PARPBP: variants seen among roughly 807,000 people sequenced by gnomAD.
PARPBP encodes the protein PARP1 binding protein, also known as PCNA-interacting partner.
A neutral mutation model predicts 50.0 loss-of-function variants in PARPBP; 52 were observed. The observed-to-expected ratio is 1.04, with a 90% CI of 0.83 to 1.31. PARPBP has a LOEUF of 1.31. PARPBP is among the 50% of genes most tolerant of loss of function. The pLI, the probability that PARPBP is intolerant of heterozygous loss-of-function variation, is 0.00. For synonymous variants in PARPBP, 244 were observed against 232.1 expected (o/e 1.05, Z -0.47); for missense variants, 697 against 672.0 (o/e 1.04, Z -0.41).
Position 102,176,517 on chromosome 12 carries a change from C to G in PARPBP, c.1005+851C>G, listed in dbSNP as rs548036753. ...AAACTATATATTCCCAGAACATTTA[C>G]TTATTCTTAATTTTTTTTTTACAGA... is the stretch of plus-strand genomic sequence containing the variant. On this transcript the variant is annotated intron_variant, in intron 7 of 10. Coordinates refer to ENST00000327680, the MANE Select transcript of PARPBP (RefSeq NM_017915.5). 1.1e-4 allele frequency among the ~76,000 whole-genome samples: 16 copies of G among 152,178 alleles called. No homozygotes were observed. In the South Asian group the frequency reaches 3.3e-3, roughly 32 times the overall value.
intron 4 of PARPBP, among the ~76,000 whole-genome samples, chr12:102,158,148 A>G (rs1414509623): frequency 2.0e-5 from 3 of 148,844 alleles, no homozygotes; most frequent in East Asian, 2.0e-4. Flanking sequence ...AAAAAAGAAT[A>G]GTGAGCTTCT....
intron 4 of PARPBP, among the ~76,000 whole-genome samples, chr12:102,161,404 C>G (rs1887574331): frequency 6.6e-6 from 1 of 152,116 alleles, no homozygotes; most frequent in African/African-American, 2.4e-5. Context: ...CCACACCCAG[C>G]CTCAGGTAAG....
intron 9 of PARPBP, among the ~76,000 whole-genome samples, chr12:102,186,072 A>AT (rs1283296633): frequency 6.6e-6 from 1 of 151,702 alleles, no homozygotes; most frequent in African/African-American, 2.4e-5. Context: ...GAATTTATCT[A>AT]TTTTTTCTAG....
intron 10 of PARPBP, 58 bp from the exon 11 acceptor site, chr12:102,195,893 G>T (rs529436798): frequency 2.7e-6 from 3 of 1,116,236 alleles, no homozygotes; most frequent in Non-Finnish European, 3.8e-6. Context: ...TAAAGTTCTC[G>T]TAAATATTAA....
intron 3 of PARPBP, among the ~76,000 whole-genome samples, chr12:102,152,255 C>T (rs553290032): frequency 6.6e-6 from 1 of 152,256 alleles, no homozygotes; most frequent in East Asian, 1.9e-4. Context: ...ATAATATAGT[C>T]TAAGTCCATC....
At chr12:102,169,331 C>T (rs371827832) in intron 6 of PARPBP, among the ~76,000 whole-genome samples, 6 of 152,122 alleles carry the variant, frequency 3.9e-5, no homozygotes, top group South Asian at 2.1e-4. Flanking sequence ...CAGTGAAATT[C>T]GAACCTCTTT....
intron 3 of PARPBP, among the ~76,000 whole-genome samples, chr12:102,149,878 A>G (rs771164246): frequency 1.3e-5 from 2 of 152,224 alleles, no homozygotes; most frequent in African/African-American, 4.8e-5. Flanking sequence ...GCTTGCTTAC[A>G]GAGATGATTT....
chr12:102,168,043 A>G (rs1389347318), intron 6 of PARPBP, among the ~76,000 whole-genome samples: 2 of 152,142 alleles, frequency 1.3e-5, no homozygotes, highest in Admixed American at 6.6e-5. Context: ...TATTCTGGGT[A>G]GTTAGTTATG....
intron 9 of PARPBP, among the ~76,000 whole-genome samples, chr12:102,184,058 A>AAAAAAAAAG (rs1890083749): frequency 6.6e-6 from 1 of 151,182 alleles, no homozygotes; most frequent in Non-Finnish European, 1.5e-5. Context: ...AAAAAAAAAA[A>AAAAAAAAAG]AAAAAAAAGA....
intron 8 of PARPBP, among the ~76,000 whole-genome samples, chr12:102,181,129 A>G (rs1335368729): frequency 2.0e-5 from 3 of 152,128 alleles, no homozygotes; most frequent in African/African-American, 7.2e-5. Flanking sequence ...AATTTCAGTT[A>G]TGTGGATTTC....
chr12:102,187,560 G>A (rs1890409352), intron 9 of PARPBP, among the ~76,000 whole-genome samples: 1 of 152,010 alleles, frequency 6.6e-6, no homozygotes, highest in Non-Finnish European at 1.5e-5. Context: ...ACCTTCCTCT[G>A]GTATATACAA....
At chr12:102,150,163 A>G (rs1203507394) in intron 3 of PARPBP, 1 of 443,246 alleles carries the variant, frequency 2.3e-6, no homozygotes, top group Admixed American at 2.5e-5. Flanking sequence ...TCAGGAGTAA[A>G]ATTGAAGCTG....
chr12:102,155,602 G>GGGC (rs1886785589), intron 4 of PARPBP, among the ~76,000 whole-genome samples: 2 of 121,930 alleles, frequency 1.6e-5, no homozygotes, highest in Admixed American at 1.8e-4. Flanking sequence ...GGTGGGGGGG[G>GGGC]GGGGCGGGGA....
chr12:102,158,069 C>T (rs1462227151), intron 4 of PARPBP, among the ~76,000 whole-genome samples: 1 of 137,998 alleles, frequency 7.2e-6, no homozygotes, highest in Non-Finnish European at 1.5e-5. Context: ...TGCAGTGAGC[C>T]GAGATGGTGC....
rs1889936209 is a variant in PARPBP at position 102,182,589 on chromosome 12, G to T, written c.1225G>T (p.Glu409Ter). Residue 409 changes from glutamate to a stop codon, truncating the protein, a stop_gained, in exon 9 of 11, where the codon GAA becomes TAA. Transcript: ENST00000327680. LOFTEE classifies it high-confidence loss of function. ...QVNNSIKPLR[E>*]RICVSMQEKK... ...GAATAATTCGATAAAACCCCTAAGA[G>T]AACGCATCTGTGTGTCAATGCAAGA... The T allele has an allele frequency of 6.2e-7, 1 of 1,611,450 alleles. No homozygotes were observed. Among genetic ancestry groups the T allele is most frequent in the Non-Finnish European group, 8.5e-7 (1 of 1,178,874 alleles).
chr12:102,181,105 C>T (rs544672847), intron 8 of PARPBP, among the ~76,000 whole-genome samples: 2 of 152,256 alleles, frequency 1.3e-5, no homozygotes, highest in African/African-American at 4.8e-5. Context: ...CTTTTGAATT[C>T]TCATACTATT....
At position 102,178,691 on chromosome 12, in the gene PARPBP, A is replaced by G. The variant is rs544956957; in HGVS notation, c.1105A>G (p.Thr369Ala). The change falls in exon 8 of 11, where the codon ACC (threonine) becomes GCC (alanine). Residue 369 changes from threonine (T) to alanine (A), a missense_variant. Physicochemically the swap from Thr to Ala is moderately conservative, Grantham distance 58 (BLOSUM62 0). Transcript: ENST00000327680. ...GGACGAAGAAGCAGCTAATGCTCCT[A>G]CCAAAAACAAAGCAGAGCTTTTATA... ...LLDEEAANAP[T>A]KNKAELLYDE... is the part of the protein sequence containing the mutation. 1 of 1,613,594 alleles carries G rather than the reference A, an allele frequency of 6.2e-7. No individual in the cohort carries two copies. Among genetic ancestry groups the G allele is most frequent in the Admixed American group, 1.7e-5 (1 of 59,976 alleles).
intron 2 of PARPBP, among the ~76,000 whole-genome samples, chr12:102,142,816 G>C (rs2138263158): frequency 6.6e-6 from 1 of 152,344 alleles, no homozygotes; most frequent in African/African-American, 2.4e-5. Context: ...AAATATTGCA[G>C]AACGGCAAAT....
chr12:102,155,594 T>TGG (rs796474782), intron 4 of PARPBP, among the ~76,000 whole-genome samples: 2,223 of 40,196 alleles, frequency 0.055, 100 homozygotes, highest in Non-Finnish European at 0.074. Context: ...GAGAGCATGG[T>TGG]GGGGGGGGGG....
Sources: gnomAD v4.1 joint callset for allele counts (sites outside exome capture counted in the v4.1 genomes callset) on GRCh38, gnomAD v4.1.1 for gene constraint, MANE v1.5 for transcripts, NCBI Gene and HGNC (gene_info 2026-07-23, HGNC 2026-07-21) for gene names.